CFAP69: variants seen among roughly 807,000 people sequenced by gnomAD.
CFAP69 encodes cilia- and flagella-associated protein 69.
CFAP69 carries 92 observed loss-of-function variants against 123.0 expected under a neutral mutation model. That is an observed-to-expected ratio of 0.75 (90% confidence interval 0.63 to 0.89). The LOEUF (loss-of-function observed/expected upper bound fraction) is 0.89. CFAP69 is among the 40% of genes least tolerant of loss of function. The probability of loss-of-function intolerance (pLI) is 0.00; values close to 1 mark genes in which losing one functional copy is unlikely to be tolerated. For missense variants in CFAP69, 1,067 were observed against 1,096.9 expected (o/e 0.97, Z 0.39); for synonymous variants, 380 against 364.3 (o/e 1.04, Z -0.49).
intron 11 of CFAP69, among the ~76,000 whole-genome samples, chr7:90,279,211 C>G (rs1314458276): frequency 6.6e-6 from 1 of 151,940 alleles, no homozygotes; most frequent in South Asian, 2.1e-4. Context: ...TAGTCATTAC[C>G]TCAGACAAAA....
intron 1 of CFAP69, among the ~76,000 whole-genome samples, chr7:90,249,850 A>T (rs1025712091): frequency 2.0e-5 from 3 of 152,042 alleles, no homozygotes; most frequent in Non-Finnish European, 4.4e-5. Context: ...CTCATTTCCC[A>T]CTTTGAATAA....
intron 4 of CFAP69, among the ~76,000 whole-genome samples, chr7:90,264,695 G>A (rs1798889114): frequency 6.6e-6 from 1 of 151,988 alleles, no homozygotes; most frequent in South Asian, 2.1e-4. Flanking sequence ...ATGAAGCGAT[G>A]CAAAATGGCT....
In CFAP69 at chr7:90,279,902, C is replaced by T. The variant is rs201319826; in HGVS notation, c.1372+9C>T. 1 of 1,548,450 alleles carries T rather than the reference C, an allele frequency of 6.5e-7. No homozygotes were observed. Among genetic ancestry groups the T allele is most frequent in the African/African-American group, 1.4e-5 (1 of 72,340 alleles). ...ATGGTGTGAGAGTGAAGGTGAGTGGCCCTTCAAGATTCTTGTCAAAATTCT... is the reference window on the plus strand; with the variant it reads ...ATGGTGTGAGAGTGAAGGTGAGTGGTCCTTCAAGATTCTTGTCAAAATTCT... On this transcript the variant is annotated intron_variant, in intron 12 of 22. Transcript: ENST00000389297.
In CFAP69 at chr7:90,303,954, C is replaced by A. The variant is rs754603477; in HGVS notation, c.2051-15C>A. The A allele has an allele frequency of 2.6e-6, 4 of 1,537,260 alleles. No individual in the cohort carries two copies. In the South Asian group the frequency reaches 4.9e-5, roughly 19 times the overall value. On this transcript the variant is annotated splice_polypyrimidine_tract_variant and intron_variant, in intron 17 of 22. Transcript: ENST00000389297. ...TATCTGTCCCTTTTCTATTTTCATGCTATCCAATGATTAGATACAAAAAAA... is the reference window on the plus strand; with the variant it reads ...TATCTGTCCCTTTTCTATTTTCATGATATCCAATGATTAGATACAAAAAAA...
chr7:90,271,608 C>T lies in CFAP69; in HGVS notation c.615C>T (p.Thr205=), dbSNP rs776013803. 6.2e-7 allele frequency: 1 copy of T among 1,613,470 alleles called. No individual in the cohort carries two copies. The highest frequency in any genetic ancestry group is 8.5e-7 in the Non-Finnish European group (1 of 1,179,684). The part of the protein sequence containing the change: ...GLAKTMVQSM[T]LLENQLVEKL... ...CAAAAACAATGGTCCAGTCAATGAC[C>T]TTGCTTGAAAATCAACTTGTTGAGA... is the stretch of plus-strand genomic sequence containing the variant. Residue 205 remains threonine, a synonymous_variant, in exon 7 of 23, where the codon ACC becomes ACT. Coordinates refer to ENST00000389297, the MANE Select transcript of CFAP69 (RefSeq NM_001039706.3).
chr7:90,303,628 A>G, intron 17 of CFAP69: 2 of 974,278 alleles, frequency 2.1e-6, no homozygotes, highest in Non-Finnish European at 2.4e-6. Context: ...AACCAAAAGT[A>G]AACAAGGTTA....
rs1794284090 is a variant in CFAP69 at position 90,311,049 on chromosome 7, C to T, written c.*811C>T. ...GTTTTACTCTTAATATATAAATATA[C>T]AAAGCAAACTCTAATGCTACTTCTC... On this transcript the variant is annotated 3_prime_UTR_variant, in exon 23 of 23. Coordinates refer to ENST00000389297, the MANE Select transcript of CFAP69 (RefSeq NM_001039706.3). The T allele has an allele frequency of 6.6e-6, 1 of 151,918 alleles. No individual in the cohort carries two copies. The highest frequency in any genetic ancestry group is 2.1e-4 in the South Asian group (1 of 4,810). The allele number at this position is 151,918 out of a possible 1,614,324, so 9.4% of individuals were successfully genotyped here.
chr7:90,275,711 C>A (rs946308406), intron 9 of CFAP69, among the ~76,000 whole-genome samples: 2 of 143,042 alleles, frequency 1.4e-5, no homozygotes, highest in African/African-American at 5.1e-5. Context: ...GCGCCATTCT[C>A]CTGCCTCAGT....
intron 9 of CFAP69, among the ~76,000 whole-genome samples, chr7:90,275,716 C>G (rs928827197): frequency 6.7e-6 from 1 of 149,720 alleles, no homozygotes; most frequent in African/African-American, 2.5e-5. Context: ...ATTCTCCTGC[C>G]TCAGTCTCCT....
At chr7:90,256,327 A>G (rs1193462660) in intron 2 of CFAP69, among the ~76,000 whole-genome samples, 1 of 152,120 alleles carries the variant, frequency 6.6e-6, no homozygotes, top group Non-Finnish European at 1.5e-5. Flanking sequence ...GAGGTGAACA[A>G]TGAGAACACA....
the CFAP69 span, among the ~76,000 whole-genome samples, chr7:90,316,270 C>T: frequency 2.6e-5 from 4 of 152,108 alleles, no homozygotes; most frequent in African/African-American, 9.7e-5. Flanking sequence ...ATGAGCTAAG[C>T]CAAATGAGCT....
At position 90,245,557 on chromosome 7, in the gene CFAP69, G is replaced by T. The variant is rs1343935352; in HGVS notation, c.120+13G>T. On this transcript the variant is annotated intron_variant, in intron 1 of 22. Transcript: ENST00000389297. ...CGATGAGGCGCAGGTATGAGCAGGT[G>T]TCTGTGCTTTCAGAGGTGGAGGGGG... The T allele has an allele frequency of 1.4e-6, 2 of 1,473,802 alleles. No individual in the cohort carries two copies. The highest frequency in any genetic ancestry group is 2.9e-5 in the African/African-American group (2 of 67,900). 91.3% of individuals were successfully genotyped at this position (1,473,802 alleles called of 1,614,324 possible). A position where few individuals can be genotyped will look rare whatever the true frequency, so the allele number is the denominator to read the frequency against.
At chr7:90,270,488 A>G (rs943679213) in intron 6 of CFAP69, among the ~76,000 whole-genome samples, 1 of 152,176 alleles carries the variant, frequency 6.6e-6, no homozygotes, top group Non-Finnish European at 1.5e-5. Context: ...TCTCTAGATT[A>G]TGAAAATATA....
intron 21 of CFAP69, among the ~76,000 whole-genome samples, chr7:90,308,357 C>G (rs763799444): frequency 6.6e-6 from 1 of 152,110 alleles, no homozygotes; most frequent in Non-Finnish European, 1.5e-5. Context: ...AAGCTAGAAA[C>G]TAATCTAAAA....
At chr7:90,296,238 T>C (rs1166463000) in intron 15 of CFAP69, among the ~76,000 whole-genome samples, 1 of 152,124 alleles carries the variant, frequency 6.6e-6, no homozygotes, top group Non-Finnish European at 1.5e-5. Flanking sequence ...GAAACAGCAA[T>C]GTCGACAAGG....
In CFAP69 at chr7:90,286,318, G is replaced by A. The variant is rs1584468630; in HGVS notation, c.1575G>A (p.Lys525=). 2 of 1,607,586 alleles carry A rather than the reference G, an allele frequency of 1.2e-6. No individual in the cohort carries two copies. Among genetic ancestry groups the A allele is most frequent in the Non-Finnish European group, 1.7e-6 (2 of 1,175,744 alleles). Residue 525 remains lysine (K), a synonymous_variant, in exon 14 of 23, where the codon AAG becomes AAA. Coordinates refer to ENST00000389297, the MANE Select transcript of CFAP69 (RefSeq NM_001039706.3). The part of the protein sequence containing the change: ...FKNIISKPNE[K]EEAIVLEIQS... ...ATATAATAAGCAAGCCTAATGAAAA[G>A]GAAGAAGCCATTGTTTTGGAAATCC...
chr7:90,289,068 T>C (rs1250911052), intron 15 of CFAP69, among the ~76,000 whole-genome samples: 1 of 152,084 alleles, frequency 6.6e-6, no homozygotes, highest in African/African-American at 2.4e-5. Context: ...TTAAACATTT[T>C]GTTAAAAACT....
chr7:90,309,871 C>T (rs1027470444), intron 22 of CFAP69, among the ~76,000 whole-genome samples, 197 bp from the exon 23 acceptor site: 1 of 152,180 alleles, frequency 6.6e-6, no homozygotes, highest in Non-Finnish European at 1.5e-5. Flanking sequence ...AGTTACAAAG[C>T]TGATAAGCAA....
At chr7:90,315,641 AACTATTG>A (rs1222911544), downstream of CFAP69, among the ~76,000 whole-genome samples, 2 of 152,220 alleles carry the variant, frequency 1.3e-5, no homozygotes, top group Admixed American at 6.5e-5. Context: ...CAGGAAAAAT[AACTATTG>A]AGTACTAGGC....
Sources: gnomAD v4.1 joint callset for allele counts (sites outside exome capture counted in the v4.1 genomes callset) on GRCh38, gnomAD v4.1.1 for gene constraint, MANE v1.5 for transcripts, NCBI Gene and HGNC (gene_info 2026-07-23, HGNC 2026-07-21) for gene names.